TTC27: variants seen among roughly 807,000 people sequenced by gnomAD.
The protein encoded by TTC27 is tetratricopeptide repeat domain 27, also known as tetratricopeptide repeat protein 27.
Under a neutral mutation model 115.9 loss-of-function variants are expected in TTC27, and 79 were observed. The ratio of observed to expected loss-of-function variants is 0.68; its 90% CI spans 0.57 to 0.82. TTC27 has a LOEUF of 0.82. TTC27 is among the 40% of genes least tolerant of loss of function. TTC27 has a pLI of 0.00. For synonymous variants in TTC27, 401 were observed against 356.0 expected, an observed-to-expected ratio of 1.13 and a Z score of -1.42; for missense variants, 1,054 against 993.1, an observed-to-expected ratio of 1.06 and a Z score of -0.82.
At position 32,676,474 on chromosome 2, in the gene TTC27, A is replaced by AT. The variant is rs1666209389; in HGVS notation, c.1053-2382_1053-2381insT. On this transcript the variant is annotated intron_variant, in intron 8 of 19. Transcript: ENST00000317907. ...AGGGATATGTTATATTTTATAAGAC[A>AT]GTGTTTTCTTTTCATTCTGTTTTTT... 2.0e-5 allele frequency among the ~76,000 whole-genome samples: 3 copies of AT among 147,318 alleles called. No individual in the cohort carries two copies. In the South Asian group the frequency reaches 6.4e-4, roughly 32 times the overall value.
intron 9 of TTC27, among the ~76,000 whole-genome samples, chr2:32,679,619 C>T (rs942832181): frequency 6.6e-6 from 1 of 152,088 alleles, no homozygotes; most frequent in African/African-American, 2.4e-5. Flanking sequence ...AGTTGGGAAT[C>T]CATTTAGAAT....
At chr2:32,715,977 T>C (rs1667742010) in intron 10 of TTC27, among the ~76,000 whole-genome samples, 2 of 83,114 alleles carry the variant, frequency 2.4e-5, no homozygotes, top group Non-Finnish European at 5.0e-5. Context: ...TCTTAATTGT[T>C]TTAATTATAT....
chr2:32,808,595 C>G (rs555554120), intron 16 of TTC27, among the ~76,000 whole-genome samples: 1 of 152,272 alleles, frequency 6.6e-6, no homozygotes, highest in East Asian at 1.9e-4. Context: ...CCTTCATGCC[C>G]CTGCAAACAC....
At chr2:32,629,087 A>G (rs755819865) in intron 1 of TTC27, among the ~76,000 whole-genome samples, 2 of 149,274 alleles carry the variant, frequency 1.3e-5, no homozygotes, top group Admixed American at 6.7e-5. Context: ...TTAAGGTCAC[A>G]CTGTTGGTAA....
At chr2:32,717,250 A>G (rs755009828) in intron 10 of TTC27, among the ~76,000 whole-genome samples, 19 of 152,144 alleles carry the variant, frequency 1.2e-4, no homozygotes, top group Non-Finnish European at 2.2e-4. Flanking sequence ...CTGGGATTAC[A>G]GGCATGAGCC....
At chr2:32,711,265 A>C (rs1016183788) in intron 10 of TTC27, among the ~76,000 whole-genome samples, 1 of 152,306 alleles carries the variant, frequency 6.6e-6, no homozygotes, top group Admixed American at 6.5e-5. Context: ...AGAGTTGCGT[A>C]GTCCACTACC....
intron 14 of TTC27, 83 bp downstream of exon 14, chr2:32,778,063 A>G (rs1670058197): frequency 2.3e-6 from 3 of 1,316,848 alleles, no homozygotes; most frequent in Non-Finnish European, 3.2e-6. Flanking sequence ...CAGAACAGCA[A>G]TTCCTTTTGT....
chr2:32,776,495 G>T (rs1558338223), intron 13 of TTC27, among the ~76,000 whole-genome samples: 1 of 152,204 alleles, frequency 6.6e-6, no homozygotes, highest in Non-Finnish European at 1.5e-5. Context: ...TAAGAAAGGA[G>T]ACTTCGATCT....
intron 10 of TTC27, among the ~76,000 whole-genome samples, chr2:32,721,664 C>G (rs1667932076): frequency 6.8e-6 from 1 of 147,144 alleles, no homozygotes; most frequent in South Asian, 2.1e-4. Context: ...CTTGCTGTGT[C>G]ACCCAGGCTG....
intron 16 of TTC27, among the ~76,000 whole-genome samples, chr2:32,792,538 C>T (rs1000917893): frequency 6.6e-6 from 1 of 152,012 alleles, no homozygotes. Flanking sequence ...GCTAAACTGC[C>T]TATCTCTCTC....
chr2:32,637,554 A>T (rs1664476331), intron 3 of TTC27, among the ~76,000 whole-genome samples: 1 of 151,910 alleles, frequency 6.6e-6, no homozygotes, highest in Admixed American at 6.6e-5. Context: ...GCTGCTCTCA[A>T]GCTCTTGACC....
At chr2:32,734,512 C>T (rs962519526) in intron 11 of TTC27, among the ~76,000 whole-genome samples, 28 of 152,322 alleles carry the variant, frequency 1.8e-4, no homozygotes, top group African/African-American at 6.7e-4. Flanking sequence ...TGACTACTCT[C>T]CTCTTTCTGA....
intron 16 of TTC27, among the ~76,000 whole-genome samples, chr2:32,792,427 G>C (rs1670566086): frequency 6.6e-6 from 1 of 152,174 alleles, no homozygotes; most frequent in African/African-American, 2.4e-5. Context: ...TAAAGCTAAG[G>C]CTTGACATCT....
intron 16 of TTC27, among the ~76,000 whole-genome samples, chr2:32,794,488 T>C (rs913498071): frequency 1.3e-5 from 2 of 152,066 alleles, no homozygotes; most frequent in African/African-American, 2.4e-5. Context: ...ATGCTTACTT[T>C]AAAACACAAG....
At chr2:32,704,933 A>C in intron 10 of TTC27, 1 of 470,738 alleles carries the variant, frequency 2.1e-6, no homozygotes, top group East Asian at 6.9e-5. Context: ...TGTTTGTGAG[A>C]TTTCTCCCCA....
chr2:32,705,279 A>G lies in TTC27; in HGVS notation c.1233+2359A>G, dbSNP rs369451283. Among the ~76,000 whole-genome samples, 82 of 152,264 alleles carry G rather than the reference A, an allele frequency of 5.4e-4. 2 individuals are homozygous for G. In the South Asian group the frequency reaches 0.017, roughly 32 times the overall value. Reference sequence around the variant, plus strand: ...ACTATAAGCTTCCTGAGGCTTCATCAGTAGCTGAGGTACATGCTTGTACAG... The same window carrying G: ...ACTATAAGCTTCCTGAGGCTTCATCGGTAGCTGAGGTACATGCTTGTACAG... On this transcript the variant is annotated intron_variant, in intron 10 of 19. Coordinates refer to ENST00000317907, the MANE Select transcript of TTC27 (RefSeq NM_017735.5).
intron 13 of TTC27, among the ~76,000 whole-genome samples, chr2:32,774,964 A>G (rs2148010431): frequency 6.6e-6 from 1 of 152,242 alleles, no homozygotes; most frequent in South Asian, 2.1e-4. Context: ...ATAATACTTA[A>G]TGTTAAATTA....
At chr2:32,687,856 T>C (rs1001907999) in intron 9 of TTC27, among the ~76,000 whole-genome samples, 9 of 152,206 alleles carry the variant, frequency 5.9e-5, no homozygotes, top group Admixed American at 1.3e-4. Flanking sequence ...ACAATCATAG[T>C]TGAATATTTT....
chr2:32,760,534 C>T (rs1669399483), intron 13 of TTC27, among the ~76,000 whole-genome samples: 1 of 152,286 alleles, frequency 6.6e-6, no homozygotes, highest in African/African-American at 2.4e-5. Flanking sequence ...CCACTAGTGC[C>T]ATGGTTGAGA....
Sources: allele counts gnomAD v4.1 joint callset (sites outside exome capture counted in the v4.1 genomes callset), GRCh38; gene constraint gnomAD v4.1.1; transcripts MANE v1.5; gene names NCBI Gene and HGNC (gene_info 2026-07-23, HGNC 2026-07-21).